CAMTA1: variants seen among roughly 807,000 people sequenced by gnomAD.
The protein encoded by CAMTA1 is calmodulin-binding transcription activator 1.
Under a neutral mutation model 170.9 loss-of-function variants are expected in CAMTA1, and 27 were observed. The observed-to-expected ratio is 0.16, with a 90% CI of 0.12 to 0.22. CAMTA1 has a LOEUF of 0.22. Ranked by LOEUF, CAMTA1 falls within the 10% of genes least tolerant of loss-of-function variation. CAMTA1 has a pLI of 1.00. For missense variants in CAMTA1, 1,619 were observed against 2,217.2 expected (o/e 0.73, Z 5.42); for synonymous variants, 833 against 891.5 (o/e 0.93, Z 1.17).
At chr1:7,367,341 C>A (rs72642823) in intron 5 of CAMTA1, among the ~76,000 whole-genome samples, 23,300 of 152,290 alleles carry the variant, frequency 0.15, 2,742 homozygotes, top group East Asian at 0.55. Context: ...GACCAGACTG[C>A]CCCCGTCCCC....
intron 3 of CAMTA1, among the ~76,000 whole-genome samples, chr1:6,877,194 C>T (rs1006823293): frequency 2.6e-5 from 4 of 152,188 alleles, no homozygotes; most frequent in African/African-American, 7.2e-5. Context: ...CATCCTTCTG[C>T]GCTCCCCCTC....
intron 6 of CAMTA1, among the ~76,000 whole-genome samples, chr1:7,576,249 A>T (rs1438852407): frequency 6.6e-6 from 1 of 152,082 alleles, no homozygotes; most frequent in Non-Finnish European, 1.5e-5. Flanking sequence ...ACCTCAGGTG[A>T]TCCATCCGCC....
chr1:7,560,481 G>T (rs1048712269), intron 6 of CAMTA1, among the ~76,000 whole-genome samples: 1 of 152,170 alleles, frequency 6.6e-6, no homozygotes, highest in Non-Finnish European at 1.5e-5. Flanking sequence ...TCTGTGAAAT[G>T]AGCCATGTAG....
intron 3 of CAMTA1, among the ~76,000 whole-genome samples, chr1:6,845,013 A>T (rs189608317): frequency 1.2e-3 from 186 of 152,304 alleles, no homozygotes; most frequent in African/African-American, 4.4e-3. Flanking sequence ...GAAAAATGAC[A>T]GTCTGGAAGG....
intron 3 of CAMTA1, among the ~76,000 whole-genome samples, chr1:7,037,364 G>A (rs992313015): frequency 1.8e-4 from 28 of 152,160 alleles, no homozygotes; most frequent in African/African-American, 6.3e-4. Context: ...AGGCGGAGGA[G>A]CAGGGAGAGG....
intron 11 of CAMTA1, among the ~76,000 whole-genome samples, chr1:7,711,574 A>G (rs1419221821): frequency 2.6e-5 from 4 of 152,230 alleles, no homozygotes; most frequent in Non-Finnish European, 4.4e-5. Context: ...TAAATGAGAA[A>G]GAGGAACCAG....
At chr1:7,095,252 A>G (rs1641936961) in intron 4 of CAMTA1, among the ~76,000 whole-genome samples, 2 of 152,266 alleles carry the variant, frequency 1.3e-5, no homozygotes, top group African/African-American at 2.4e-5. Context: ...CTCCTAGAAC[A>G]GTGTGGACAC....
chr1:6,937,408 A>G (rs1571871510), intron 3 of CAMTA1, among the ~76,000 whole-genome samples: 1 of 143,490 alleles, frequency 7.0e-6, no homozygotes. Context: ...CACCATCACC[A>G]TCATCATCAC....
intron 5 of CAMTA1, among the ~76,000 whole-genome samples, chr1:7,368,263 C>T (rs2086165586): frequency 2.0e-5 from 3 of 150,660 alleles, no homozygotes; most frequent in African/African-American, 7.3e-5. Context: ...GGTGTATGCC[C>T]TGGGCACTCA....
intron 6 of CAMTA1, among the ~76,000 whole-genome samples, chr1:7,480,711 G>A (rs1214750488): frequency 1.1e-4 from 16 of 151,984 alleles, no homozygotes; most frequent in Admixed American, 9.2e-4. Context: ...TCAACCCCCC[G>A]ATGCTGGACT....
intron 6 of CAMTA1, among the ~76,000 whole-genome samples, chr1:7,557,971 C>A (rs1285807583): frequency 3.3e-5 from 5 of 152,184 alleles, no homozygotes; most frequent in African/African-American, 7.2e-5. Flanking sequence ...CTTTACCTCG[C>A]GGTGTGGTGT....
At chr1:6,836,593 A>ATGTG (rs1653224154) in intron 3 of CAMTA1, among the ~76,000 whole-genome samples, 1 of 151,726 alleles carries the variant, frequency 6.6e-6, no homozygotes, top group South Asian at 2.1e-4. Flanking sequence ...ATGTGTGTGT[A>ATGTG]TGTGTGTGTG....
intron 5 of CAMTA1, among the ~76,000 whole-genome samples, chr1:7,424,178 C>T (rs1047999546): frequency 6.6e-6 from 1 of 152,102 alleles, no homozygotes; most frequent in Non-Finnish European, 1.5e-5. Flanking sequence ...GGAGGCTGCC[C>T]CTCAGGTGCA....
chr1:7,473,946 G>A (rs549667631), intron 6 of CAMTA1, among the ~76,000 whole-genome samples: 4 of 152,374 alleles, frequency 2.6e-5, no homozygotes, highest in African/African-American at 7.2e-5. Flanking sequence ...AAAGCGTGCT[G>A]CTGTGTCAGG....
chr1:6,892,119 C>T (rs2149141357), intron 3 of CAMTA1, among the ~76,000 whole-genome samples: 1 of 152,348 alleles, frequency 6.6e-6, no homozygotes, highest in Non-Finnish European at 1.5e-5. Context: ...CTTATTTATG[C>T]ATTCATATAC....
At chr1:7,115,566 A>G (rs71637370) in intron 4 of CAMTA1, among the ~76,000 whole-genome samples, 1 of 118,276 alleles carries the variant, frequency 8.5e-6, no homozygotes, top group African/African-American at 3.5e-5. Flanking sequence ...AGAGCTGATG[A>G]TGTTGTTCCA....
intron 22 of CAMTA1, among the ~76,000 whole-genome samples, chr1:7,757,533 G>A (rs570273843): frequency 5.9e-5 from 9 of 152,208 alleles, no homozygotes; most frequent in Non-Finnish European, 1.2e-4. Context: ...TTGGGAGGCC[G>A]AGGCAGCCGG....
chr1:6,975,404 G>A (rs923460338), intron 3 of CAMTA1, among the ~76,000 whole-genome samples: 1 of 152,150 alleles, frequency 6.6e-6, no homozygotes, highest in Admixed American at 6.5e-5. Context: ...TTTTTCATCA[G>A]ACTGTGGGCT....
At chr1:7,485,011 C>T (rs1008752609) in intron 6 of CAMTA1, among the ~76,000 whole-genome samples, 1 of 152,158 alleles carries the variant, frequency 6.6e-6, no homozygotes, top group African/African-American at 2.4e-5. Flanking sequence ...CCCACGCTCA[C>T]CATGGGCCAT....
Sources: gnomAD v4.1 joint callset for allele counts (sites outside exome capture counted in the v4.1 genomes callset) on GRCh38, gnomAD v4.1.1 for gene constraint, MANE v1.5 for transcripts, NCBI Gene and HGNC (gene_info 2026-07-23, HGNC 2026-07-21) for gene names.